The following VPS26A variants were observed in gnomAD, a reference collection of about 807,000 sequenced individuals.
VPS26A encodes the protein VPS26 retromer complex component A.
A neutral mutation model predicts 42.4 loss-of-function variants in VPS26A; 22 were observed. The ratio of observed to expected loss-of-function variants is 0.52; its 90% CI spans 0.37 to 0.74. VPS26A has a LOEUF of 0.74. VPS26A is among the 30% of genes least tolerant of loss of function. The pLI is 0.00. For missense variants in VPS26A, 276 were observed against 379.2 expected, an observed-to-expected ratio of 0.73 and a Z score of 2.26; for synonymous variants, 110 against 123.5, an observed-to-expected ratio of 0.89 and a Z score of 0.73.
At chr10:69,146,992 A>G (rs552653276) in intron 2 of VPS26A, among the ~76,000 whole-genome samples, 10 of 152,166 alleles carry the variant, frequency 6.6e-5, no homozygotes, top group Non-Finnish European at 1.3e-4. Context: ...TTTTAGAAGA[A>G]CCGCCAAATT....
chr10:69,167,015 TA>T (rs1841702294), intron 7 of VPS26A, among the ~76,000 whole-genome samples: 1 of 151,730 alleles, frequency 6.6e-6, no homozygotes, highest in Non-Finnish European at 1.5e-5. Flanking sequence ...TCATCCCAGC[TA>T]CTTGGGAAGC....
chr10:69,135,696 T>C (rs1475336651), intron 2 of VPS26A, among the ~76,000 whole-genome samples: 1 of 152,254 alleles, frequency 6.6e-6, no homozygotes, highest in African/African-American at 2.4e-5. Context: ...TAGGTAAGTA[T>C]TTTCAGTTCA....
At chr10:69,131,299 C>T (rs1358626383) in intron 1 of VPS26A, among the ~76,000 whole-genome samples, 1 of 152,144 alleles carries the variant, frequency 6.6e-6, no homozygotes, top group African/African-American at 2.4e-5. Flanking sequence ...TTTTAAAGAT[C>T]ATTCAGAGCC....
chr10:69,156,893 G>A, intron 3 of VPS26A, 114 bp from the exon 4 acceptor site: 1 of 979,136 alleles, frequency 1.0e-6, no homozygotes, highest in South Asian at 1.9e-5. Context: ...TAGTTTATTA[G>A]AGACAAACTC....
At chr10:69,147,774 A>G (rs1841195494) in intron 2 of VPS26A, among the ~76,000 whole-genome samples, 1 of 152,068 alleles carries the variant, frequency 6.6e-6, no homozygotes, top group Admixed American at 6.6e-5. Context: ...GTGCAGTGGC[A>G]CAATCTCGGC....
intron 2 of VPS26A, among the ~76,000 whole-genome samples, chr10:69,151,286 C>CAAAAACAAAAAAAA (rs1841309892): frequency 1.2e-5 from 1 of 84,956 alleles, no homozygotes; most frequent in Non-Finnish European, 2.3e-5. Context: ...AAAAAAAACA[C>CAAAAACAAAAAAAA]ACACACACAC....
chr10:69,152,951 CAG>C (rs1430997182), intron 2 of VPS26A, among the ~76,000 whole-genome samples: 1 of 138,938 alleles, frequency 7.2e-6, no homozygotes, highest in Non-Finnish European at 1.6e-5. Context: ...GCCTGGGCGA[CAG>C]AGCGAGGCTC....
At chr10:69,148,246 C>T (rs1841208854) in intron 2 of VPS26A, among the ~76,000 whole-genome samples, 2 of 152,126 alleles carry the variant, frequency 1.3e-5, no homozygotes, top group Non-Finnish European at 2.9e-5. Context: ...ATTTGTAAGA[C>T]ATTTTTATTT....
At chr10:69,144,765 G>C (rs908194508) in intron 2 of VPS26A, among the ~76,000 whole-genome samples, 2 of 151,210 alleles carry the variant, frequency 1.3e-5, no homozygotes, top group African/African-American at 4.9e-5. Flanking sequence ...TTTTTTGTAT[G>C]TTCTTGATAA....
intron 1 of VPS26A, among the ~76,000 whole-genome samples, chr10:69,126,038 A>T (rs978245588): frequency 1.3e-5 from 2 of 152,232 alleles, no homozygotes; most frequent in African/African-American, 4.8e-5. Context: ...AGTCATATAT[A>T]TTGCAGTCCA....
intron 2 of VPS26A, among the ~76,000 whole-genome samples, chr10:69,145,401 G>C (rs1355513532): frequency 6.6e-6 from 1 of 152,156 alleles, no homozygotes; most frequent in Non-Finnish European, 1.5e-5. Flanking sequence ...CAGTTTGTCT[G>C]TGGTGGTAAC....
intron 7 of VPS26A, among the ~76,000 whole-genome samples, chr10:69,168,188 A>G (rs1303007939): frequency 6.6e-6 from 1 of 152,138 alleles, no homozygotes; most frequent in Non-Finnish European, 1.5e-5. Flanking sequence ...TCACCTCACA[A>G]TGAATGTTTG....
At chr10:69,156,939 G>T (rs1214582364) in intron 3 of VPS26A, 68 bp from the exon 4 acceptor site, 2 of 1,417,920 alleles carry the variant, frequency 1.4e-6, no homozygotes, top group Non-Finnish European at 1.9e-6. Context: ...TGTGTTTGAA[G>T]TAGATGTCTG....
At chr10:69,156,764 T>C (rs1191436758) in intron 3 of VPS26A, among the ~76,000 whole-genome samples, 1 of 151,984 alleles carries the variant, frequency 6.6e-6, no homozygotes, top group East Asian at 1.9e-4. Flanking sequence ...GAGCCCCAAC[T>C]ACATCAAAGG....
intron 7 of VPS26A, among the ~76,000 whole-genome samples, chr10:69,167,887 G>A (rs1841727172): frequency 6.6e-6 from 1 of 151,952 alleles, no homozygotes; most frequent in Non-Finnish European, 1.5e-5. Flanking sequence ...TGAGTAACAA[G>A]TATTCAATAA....
At chr10:69,152,091 T>A (rs1841325475) in intron 2 of VPS26A, among the ~76,000 whole-genome samples, 1 of 152,046 alleles carries the variant, frequency 6.6e-6, no homozygotes. Flanking sequence ...TGCCTGTAAT[T>A]TCAGCTATTT....
At chr10:69,124,943 G>C (rs990596808) in intron 1 of VPS26A, among the ~76,000 whole-genome samples, 1 of 152,146 alleles carries the variant, frequency 6.6e-6, no homozygotes, top group Admixed American at 6.6e-5. Context: ...TGAACTTAAC[G>C]CTCTGGGTTG....
chr10:69,160,127 TACACACACACACACACACAC>T (rs71035066), intron 5 of VPS26A, among the ~76,000 whole-genome samples: 24 of 148,448 alleles, frequency 1.6e-4, no homozygotes, highest in South Asian at 4.3e-4. Flanking sequence ...ACATAATTTT[TACACACACACACACACACAC>T]ACACACACAC....
chr10:69,127,607 G>T (rs1361683339), intron 1 of VPS26A, among the ~76,000 whole-genome samples: 1 of 151,142 alleles, frequency 6.6e-6, no homozygotes, highest in Non-Finnish European at 1.5e-5. Flanking sequence ...TGGAATAACT[G>T]GTTAAAGTGC....
Sources: gnomAD v4.1 joint callset for allele counts (sites outside exome capture counted in the v4.1 genomes callset) on GRCh38, gnomAD v4.1.1 for gene constraint, MANE v1.5 for transcripts, NCBI Gene and HGNC (gene_info 2026-07-23, HGNC 2026-07-21) for gene names.